LRP1B: variants seen among roughly 807,000 people sequenced by gnomAD.
LRP1B encodes LDL receptor related protein 1B.
Under a neutral mutation model 556.6 loss-of-function variants are expected in LRP1B, and 217 were observed. The ratio of observed to expected loss-of-function variants is 0.39; its 90% CI spans 0.35 to 0.44. The LOEUF is 0.44. LRP1B is among the 20% of genes least tolerant of loss of function. LRP1B has a pLI of 1.00. For synonymous variants in LRP1B, 2,047 were observed against 1,865.8 expected (o/e 1.10, Z -2.50); for missense variants, 5,053 against 5,620.8 (o/e 0.90, Z 3.23).
At chr2:141,432,997 A>C (rs574614754) in intron 3 of LRP1B, among the ~76,000 whole-genome samples, 1 of 151,998 alleles carries the variant, frequency 6.6e-6, no homozygotes, top group Non-Finnish European at 1.5e-5. Flanking sequence ...TCTATGTGAG[A>C]CTTCTCTTCT....
At chr2:141,077,973 T>A (rs2104875571) in intron 7 of LRP1B, among the ~76,000 whole-genome samples, 1 of 151,974 alleles carries the variant, frequency 6.6e-6, no homozygotes, top group Admixed American at 6.6e-5. Flanking sequence ...TAGGAATTTT[T>A]TTTTTTTTTT....
chr2:140,719,946 AAT>A (rs1274411091), intron 35 of LRP1B, among the ~76,000 whole-genome samples: 1 of 152,102 alleles, frequency 6.6e-6, no homozygotes, highest in Non-Finnish European at 1.5e-5. Flanking sequence ...CATGTTTTCT[AAT>A]ATCTTGGAGT....
intron 2 of LRP1B, among the ~76,000 whole-genome samples, chr2:141,642,970 G>T (rs1006244585): frequency 2.0e-5 from 3 of 152,032 alleles, no homozygotes; most frequent in Non-Finnish European, 4.4e-5. Context: ...AGACCAATGT[G>T]AACTCTACAG....
intron 31 of LRP1B, among the ~76,000 whole-genome samples, chr2:140,835,298 G>A (rs528456887): frequency 6.6e-6 from 1 of 152,194 alleles, no homozygotes; most frequent in African/African-American, 2.4e-5. Context: ...TAACTCACAG[G>A]AAAAGGAAAC....
chr2:140,591,388 T>A (rs973925647), intron 43 of LRP1B, among the ~76,000 whole-genome samples: 3 of 152,214 alleles, frequency 2.0e-5, no homozygotes, highest in Admixed American at 6.5e-5. Flanking sequence ...CTGCTTCTTG[T>A]CTATGATTTA....
At chr2:140,556,719 C>A (rs902486402) in intron 43 of LRP1B, among the ~76,000 whole-genome samples, 1 of 144,246 alleles carries the variant, frequency 6.9e-6, no homozygotes. Context: ...TGATTGCCAA[C>A]CAAAACAAAC....
intron 2 of LRP1B, among the ~76,000 whole-genome samples, chr2:141,639,302 GTGTATATATATATATA>G (rs1298752062): frequency 3.0e-4 from 10 of 33,028 alleles, no homozygotes; most frequent in African/African-American, 7.9e-4. Context: ...CGCATCATGT[GTGTATATATATATATA>G]TATATATATA....
At chr2:141,728,299 G>A (rs1248897592) in intron 2 of LRP1B, among the ~76,000 whole-genome samples, 1 of 152,004 alleles carries the variant, frequency 6.6e-6, no homozygotes, top group African/African-American at 2.4e-5. Context: ...TAAATGCCTG[G>A]CCCTCTTTCT....
At chr2:141,228,802 A>C (rs1179051978) in intron 6 of LRP1B, among the ~76,000 whole-genome samples, 1 of 152,128 alleles carries the variant, frequency 6.6e-6, no homozygotes, top group African/African-American at 2.4e-5. Flanking sequence ...CTAATTATTT[A>C]AGGTATTTTT....
intron 1 of LRP1B, among the ~76,000 whole-genome samples, chr2:141,982,412 G>C (rs914388049): frequency 6.6e-6 from 1 of 152,198 alleles, no homozygotes; most frequent in African/African-American, 2.4e-5. Context: ...TAAAGCATTA[G>C]AGATTTTTTC....
rs189093823 is a variant in LRP1B, at chr2:141,032,322, T to G, written c.1790-12220A>C. ...CCAATTTATGATTACAAATAATGTG[T>G]CTTTTTGAACATGTGTATACGTCTA... On this transcript the variant is annotated intron_variant, in intron 11 of 90. Coordinates refer to ENST00000389484, the MANE Select transcript of LRP1B (RefSeq NM_018557.3). Among the ~76,000 whole-genome samples the G allele has an allele frequency of 5.6e-4, 86 of 152,264 alleles. 1 individual carries two copies. The highest frequency in any genetic ancestry group is 1.8e-3 in the African/African-American group (76 of 41,586).
At chr2:141,253,005 A>G (rs887417656) in intron 4 of LRP1B, among the ~76,000 whole-genome samples, 4 of 152,216 alleles carry the variant, frequency 2.6e-5, no homozygotes, top group Non-Finnish European at 5.9e-5. Context: ...CAATTAATTA[A>G]CACTCAGGAA....
chr2:141,917,342 T>C (rs1286500799), intron 1 of LRP1B, among the ~76,000 whole-genome samples: 2 of 152,134 alleles, frequency 1.3e-5, no homozygotes, highest in Admixed American at 1.3e-4. Context: ...AACATGGATG[T>C]GGTGTATGGT....
chr2:141,663,995 TA>T (rs1347923156), intron 2 of LRP1B, among the ~76,000 whole-genome samples: 2 of 149,498 alleles, frequency 1.3e-5, no homozygotes, highest in Non-Finnish European at 3.0e-5. Context: ...AAATCGTCCA[TA>T]AAATACTGGC....
intron 1 of LRP1B, among the ~76,000 whole-genome samples, chr2:142,128,311 T>C (rs11904731): frequency 0.21 from 32,027 of 152,098 alleles, 3,860 homozygotes; most frequent in African/African-American, 0.32. Flanking sequence ...AACCTAAATG[T>C]GAATTCTCAT....
chr2:140,538,780 A>G (rs893072887), intron 45 of LRP1B, among the ~76,000 whole-genome samples: 5 of 151,940 alleles, frequency 3.3e-5, no homozygotes, highest in African/African-American at 1.2e-4. Context: ...TATTTTTCCT[A>G]TTTTAAGTGT....
chr2:141,455,199 T>C (rs927058295), intron 3 of LRP1B, among the ~76,000 whole-genome samples: 10 of 151,650 alleles, frequency 6.6e-5, no homozygotes, highest in African/African-American at 2.4e-4. Context: ...ATTTAATCAA[T>C]TATGGAATGA....
chr2:140,499,667 C>A (rs1689097047), intron 55 of LRP1B, among the ~76,000 whole-genome samples: 1 of 151,826 alleles, frequency 6.6e-6, no homozygotes, highest in African/African-American at 2.4e-5. Context: ...GCAATTGTAA[C>A]ACAATGCTAA....
At chr2:140,989,704 G>T in intron 16 of LRP1B, 47 bp from the exon 17 acceptor site, 2 of 1,592,004 alleles carry the variant, frequency 1.3e-6, no homozygotes, top group Non-Finnish European at 1.7e-6. Flanking sequence ...ATTGGATAAA[G>T]TTGTGAATAT....
Sources: allele counts gnomAD v4.1 joint callset (sites outside exome capture counted in the v4.1 genomes callset), GRCh38; gene constraint gnomAD v4.1.1; transcripts MANE v1.5; gene names NCBI Gene and HGNC (gene_info 2026-07-23, HGNC 2026-07-21).